CYSLTR2: variants seen among roughly 807,000 people sequenced by gnomAD.
CYSLTR2 encodes cysteinyl leukotriene receptor 2, also known as G-protein coupled receptor GPCR21.
For missense variants in CYSLTR2, 398 were observed against 411.9 expected, an observed-to-expected ratio of 0.97 and a Z score of 0.29; for synonymous variants, 179 against 160.8, an observed-to-expected ratio of 1.11 and a Z score of -0.86.
At chr13:48,674,486 T>C (rs1953541492) in intron 1 of CYSLTR2, among the ~76,000 whole-genome samples, 1 of 152,240 alleles carries the variant, frequency 6.6e-6, no homozygotes, top group Non-Finnish European at 1.5e-5. Flanking sequence ...TTTTATGTTC[T>C]GCTCTAAACT....
chr13:48,656,909 A>G (rs915703493), intron 1 of CYSLTR2, among the ~76,000 whole-genome samples: 15 of 152,240 alleles, frequency 9.9e-5, no homozygotes, highest in African/African-American at 3.4e-4. Flanking sequence ...GCGTTGCTAG[A>G]GAGCTTTTTG....
At chr13:48,665,757 T>C (rs1428880729) in intron 1 of CYSLTR2, among the ~76,000 whole-genome samples, 1 of 152,110 alleles carries the variant, frequency 6.6e-6, no homozygotes, top group Non-Finnish European at 1.5e-5. Flanking sequence ...GTTTTTAAAA[T>C]CTATTAGGCC....
chr13:48,660,914 C>G (rs1953111810), intron 1 of CYSLTR2, among the ~76,000 whole-genome samples: 1 of 152,126 alleles, frequency 6.6e-6, no homozygotes, highest in Non-Finnish European at 1.5e-5. Context: ...GCAGAATCCT[C>G]TCTGCACAAC....
chr13:48,701,957 C>T (rs577587596), intron 4 of CYSLTR2, among the ~76,000 whole-genome samples: 1 of 152,200 alleles, frequency 6.6e-6, no homozygotes, highest in African/African-American at 2.4e-5. Context: ...GAGACACATG[C>T]ACACGTATGT....
At chr13:48,672,689 C>T (rs1308445830) in intron 1 of CYSLTR2, among the ~76,000 whole-genome samples, 2 of 148,114 alleles carry the variant, frequency 1.4e-5, no homozygotes, top group Admixed American at 1.4e-4. Context: ...ACAATTTCAG[C>T]TCACTGCAAC....
chr13:48,696,729 C>T (rs777882862), intron 4 of CYSLTR2, 103 bp downstream of exon 4: 4 of 152,224 alleles, frequency 2.6e-5, no homozygotes, highest in Non-Finnish European at 5.9e-5. Context: ...CAGGGAATTC[C>T]CTTTCCTAGC....
At chr13:48,684,233 T>G (rs1835728740) in intron 1 of CYSLTR2, among the ~76,000 whole-genome samples, 1 of 151,994 alleles carries the variant, frequency 6.6e-6, no homozygotes, top group African/African-American at 2.4e-5. Context: ...CCAGAGAAAC[T>G]TCACTGACTG....
chr13:48,698,132 C>T (rs573384236), intron 4 of CYSLTR2, among the ~76,000 whole-genome samples: 36 of 152,246 alleles, frequency 2.4e-4, no homozygotes, highest in African/African-American at 8.4e-4. Context: ...CCCAACCTAG[C>T]GAGGCAGGCC....
intron 4 of CYSLTR2, among the ~76,000 whole-genome samples, chr13:48,702,050 A>G (rs967722116): frequency 4.9e-4 from 75 of 152,164 alleles, no homozygotes; most frequent in African/African-American, 1.8e-3. Context: ...AGAAAATGTG[A>G]CACATATACA....
At chr13:48,669,543 C>A (rs750054212) in intron 1 of CYSLTR2, among the ~76,000 whole-genome samples, 6 of 151,916 alleles carry the variant, frequency 3.9e-5, no homozygotes, top group Admixed American at 1.3e-4. Context: ...ATTTTCTGTT[C>A]CTGTGTTAGT....
intron 1 of CYSLTR2, among the ~76,000 whole-genome samples, chr13:48,656,520 G>T (rs748336929): frequency 4.6e-5 from 7 of 152,098 alleles, no homozygotes; most frequent in Admixed American, 1.3e-4. Context: ...TTAAACCCAG[G>T]TCCCTTTTAA....
chr13:48,661,845 CT>C (rs947482446), intron 1 of CYSLTR2, among the ~76,000 whole-genome samples: 48 of 152,122 alleles, frequency 3.2e-4, no homozygotes, highest in African/African-American at 1.2e-3. Flanking sequence ...TTATCATTTC[CT>C]TTTGTTGGGA....
chr13:48,675,315 G>A (rs1001560930), intron 1 of CYSLTR2, among the ~76,000 whole-genome samples: 2 of 152,202 alleles, frequency 1.3e-5, no homozygotes, highest in Non-Finnish European at 2.9e-5. Flanking sequence ...AGGGGCTTCT[G>A]CCTTTCTTTC....
intron 1 of CYSLTR2, among the ~76,000 whole-genome samples, chr13:48,659,927 C>A (rs1349651021): frequency 1.3e-5 from 2 of 151,990 alleles, no homozygotes; most frequent in African/African-American, 4.8e-5. Context: ...TTATATTAAC[C>A]AAGGAGAGCT....
intron 3 of CYSLTR2, among the ~76,000 whole-genome samples, chr13:48,695,255 CT>C (rs1003722235): frequency 8.7e-5 from 13 of 149,458 alleles, no homozygotes; most frequent in South Asian, 2.1e-4. Context: ...TTTTCATTTT[CT>C]TTTTTTTTCC....
chr13:48,702,958 C>A (rs1954388607), intron 4 of CYSLTR2, among the ~76,000 whole-genome samples: 1 of 152,102 alleles, frequency 6.6e-6, no homozygotes, highest in Non-Finnish European at 1.5e-5. Flanking sequence ...ACTTTGATTT[C>A]TTTCACCAAT....
chr13:48,697,106 C>T (rs1410333889), intron 4 of CYSLTR2, among the ~76,000 whole-genome samples: 1 of 152,162 alleles, frequency 6.6e-6, no homozygotes, highest in Non-Finnish European at 1.5e-5. Context: ...GAACAAAAGG[C>T]AGCAGAAACT....
chr13:48,695,015 C>T (rs985771416), intron 3 of CYSLTR2, among the ~76,000 whole-genome samples: 1 of 150,182 alleles, frequency 6.7e-6, no homozygotes, highest in Non-Finnish European at 1.5e-5. Context: ...ATCTCTTGTA[C>T]CCCTTCCCGC....
chr13:48,668,537 G>A (rs1210808556), intron 1 of CYSLTR2, among the ~76,000 whole-genome samples: 1 of 152,032 alleles, frequency 6.6e-6, no homozygotes, highest in Non-Finnish European at 1.5e-5. Context: ...TACTATATTT[G>A]CTTCTCTTGG....
Sources: allele counts gnomAD v4.1 joint callset (sites outside exome capture counted in the v4.1 genomes callset), GRCh38; gene constraint gnomAD v4.1.1; transcripts MANE v1.5; gene names NCBI Gene and HGNC (gene_info 2026-07-23, HGNC 2026-07-21).